WWOX: variants seen among roughly 807,000 people sequenced by gnomAD.
The protein encoded by WWOX is WW domain containing oxidoreductase, also known as WW domain-containing oxidoreductase.
In WWOX, 69 loss-of-function variants were observed where a neutral mutation model predicts 46.2. The observed-to-expected ratio is 1.49, with a 90% confidence interval of 1.23 to 1.82. WWOX has a LOEUF of 1.82. Among genes scored for constraint, WWOX ranks in the 40% most tolerant of loss-of-function variants. The pLI is 0.00. For missense variants in WWOX, 919 were observed against 542.6 expected, an observed-to-expected ratio of 1.69 and a Z score of -6.89; for synonymous variants, 359 against 202.6, an observed-to-expected ratio of 1.77 and a Z score of -6.56.
chr16:78,657,125 C>T lies in WWOX; in HGVS notation c.1056+224373C>T, dbSNP rs947850465. Among the ~76,000 whole-genome samples the T allele has an allele frequency of 2.6e-5, 4 of 152,296 alleles. 1 individual carries two copies. The East Asian group carries it at 5.8e-4, about 22-fold the overall frequency. ...TTCACACACCAGGCTGCCACTTTGG[C>T]CCCTGCGTCACCTTCACCACCACCC... On this transcript the variant is annotated intron_variant, in intron 8 of 8. Transcript: ENST00000566780.
At chr16:78,234,810 A>AT (rs1842168463) in intron 5 of WWOX, among the ~76,000 whole-genome samples, 1 of 151,234 alleles carries the variant, frequency 6.6e-6, no homozygotes, top group Non-Finnish European at 1.5e-5. Context: ...AACAAAAAAA[A>AT]ACCCACACAG....
At chr16:78,539,549 C>T (rs1345738783) in intron 8 of WWOX, among the ~76,000 whole-genome samples, 1 of 152,212 alleles carries the variant, frequency 6.6e-6, no homozygotes, top group East Asian at 1.9e-4. Context: ...AGTAGGACTT[C>T]AGGTCCACAT....
chr16:78,784,437 G>A (rs1263368310), intron 8 of WWOX, among the ~76,000 whole-genome samples: 2 of 152,008 alleles, frequency 1.3e-5, no homozygotes, highest in African/African-American at 4.8e-5. Flanking sequence ...GGCCGCTGGT[G>A]AGTGAAGTTC....
chr16:78,435,993 G>A (rs1207436200), intron 8 of WWOX, among the ~76,000 whole-genome samples: 1 of 152,172 alleles, frequency 6.6e-6, no homozygotes, highest in Non-Finnish European at 1.5e-5. Context: ...CTGAGGAAGT[G>A]AATTTTCAAT....
chr16:78,510,605 A>G (rs1009620404), intron 8 of WWOX, among the ~76,000 whole-genome samples: 13 of 152,386 alleles, frequency 8.5e-5, no homozygotes, highest in African/African-American at 2.9e-4. Context: ...AGCTATGGAT[A>G]CAAGAGTTGG....
Position 78,219,625 on chromosome 16 carries a change from C to G in WWOX, c.516+55336C>G, listed in dbSNP as rs189160081. Among the ~76,000 whole-genome samples the G allele has an allele frequency of 2.4e-3, 360 of 152,198 alleles. 1 individual carries two copies. The highest frequency in any genetic ancestry group is 8.0e-3 in the African/African-American group (332 of 41,540). On this transcript the variant is annotated intron_variant, in intron 5 of 8. Transcript: ENST00000566780. ...TTTAACTCGGTGAGTCTCAGTTTTG[C>G]GAATGAACAGTTCTCTTTTGCTTTC...
intron 8 of WWOX, among the ~76,000 whole-genome samples, chr16:79,185,664 G>A (rs1014182162): frequency 6.6e-6 from 1 of 152,224 alleles, no homozygotes; most frequent in Non-Finnish European, 1.5e-5. Flanking sequence ...GCCGATGAGC[G>A]TTTGGCAGAG....
chr16:78,310,134 T>C (rs1294785975), intron 5 of WWOX, among the ~76,000 whole-genome samples: 1 of 151,886 alleles, frequency 6.6e-6, no homozygotes, highest in Non-Finnish European at 1.5e-5. Flanking sequence ...TTTAAACCCA[T>C]CTGTTTTTGT....
intron 5 of WWOX, among the ~76,000 whole-genome samples, chr16:78,320,039 T>C (rs941443003): frequency 2.0e-5 from 3 of 152,224 alleles, no homozygotes; most frequent in South Asian, 2.1e-4. Context: ...GCTGTATGGA[T>C]AATGGTATAT....
At chr16:78,539,890 G>T (rs1384201100) in intron 8 of WWOX, among the ~76,000 whole-genome samples, 1 of 152,124 alleles carries the variant, frequency 6.6e-6, no homozygotes, top group African/African-American at 2.4e-5. Context: ...TTCATAGATA[G>T]GATCAGATCC....
chr16:79,014,153 G>A (rs894357811), intron 8 of WWOX, among the ~76,000 whole-genome samples: 7 of 152,184 alleles, frequency 4.6e-5, no homozygotes, highest in Non-Finnish European at 8.8e-5. Flanking sequence ...GGGAAGGGAT[G>A]GTCCTATTTA....
chr16:78,294,738 G>GGGA (rs1158759392), intron 5 of WWOX, among the ~76,000 whole-genome samples: 1 of 152,080 alleles, frequency 6.6e-6, no homozygotes, highest in Admixed American at 6.6e-5. Flanking sequence ...AAAGGAGGGA[G>GGGA]GGAGGTAAGG....
intron 8 of WWOX, among the ~76,000 whole-genome samples, chr16:79,097,475 C>G (rs1007888092): frequency 6.6e-6 from 1 of 151,742 alleles, no homozygotes; most frequent in African/African-American, 2.4e-5. Context: ...ATTACAAAAG[C>G]AAAATCCATA....
intron 8 of WWOX, chr16:78,825,904 C>A: frequency 1.4e-6 from 1 of 706,872 alleles, no homozygotes; most frequent in Non-Finnish European, 2.5e-6. Flanking sequence ...ACGTGAGCAT[C>A]ATGGAACCCA....
intron 5 of WWOX, among the ~76,000 whole-genome samples, chr16:78,322,941 A>C (rs2080519383): frequency 6.6e-6 from 1 of 152,064 alleles, no homozygotes; most frequent in Non-Finnish European, 1.5e-5. Context: ...AAATATGAAA[A>C]CCATTCTTAG....
At chr16:78,724,216 C>T (rs1369324866) in intron 8 of WWOX, among the ~76,000 whole-genome samples, 1 of 152,172 alleles carries the variant, frequency 6.6e-6, no homozygotes. Flanking sequence ...TAGTGAGTAC[C>T]TGTCACAGGT....
intron 8 of WWOX, among the ~76,000 whole-genome samples, chr16:78,788,379 G>A (rs1207866995): frequency 6.6e-6 from 1 of 152,148 alleles, no homozygotes; most frequent in African/African-American, 2.4e-5. Context: ...TCTTTCACCT[G>A]CCCCAAGGCA....
At chr16:79,149,928 A>G (rs1430623302) in intron 8 of WWOX, among the ~76,000 whole-genome samples, 1 of 152,168 alleles carries the variant, frequency 6.6e-6, no homozygotes, top group African/African-American at 2.4e-5. Context: ...CATCCACATC[A>G]CTGAAAAAGG....
chr16:78,653,911 C>G (rs908525599), intron 8 of WWOX, among the ~76,000 whole-genome samples: 2 of 152,144 alleles, frequency 1.3e-5, no homozygotes, highest in Non-Finnish European at 2.9e-5. Context: ...TCTCTAATCA[C>G]GCGAGAGGTC....
Sources: gnomAD v4.1 joint callset for allele counts (sites outside exome capture counted in the v4.1 genomes callset) on GRCh38, gnomAD v4.1.1 for gene constraint, MANE v1.5 for transcripts, NCBI Gene and HGNC (gene_info 2026-07-23, HGNC 2026-07-21) for gene names.